Variants in GDPD3 observed in about 807,000 individuals in gnomAD.
GDPD3 encodes lysophospholipase D GDPD3.
In GDPD3, 40 loss-of-function variants were observed where a neutral mutation model predicts 43.7. The ratio of observed to expected loss-of-function variants is 0.91; its 90% CI spans 0.71 to 1.19. The LOEUF is 1.19. GDPD3 is among the 50% of genes most tolerant of loss of function. The pLI, the probability that GDPD3 is intolerant of heterozygous loss-of-function variation, is 0.00. For synonymous variants in GDPD3, 145 were observed against 162.9 expected (o/e 0.89, Z 0.84); for missense variants, 363 against 415.8 (o/e 0.87, Z 1.11).
Position 30,112,231 on chromosome 16 carries a change from G to T in GDPD3, c.484-10C>A. ...TCACCAAGCCTGCTATCTGGGAGGAGGAGAAGGAGGTGAAGGGAGAGCCAG... is the reference window on the plus strand; with the variant it reads ...TCACCAAGCCTGCTATCTGGGAGGATGAGAAGGAGGTGAAGGGAGAGCCAG... On this transcript the variant is annotated splice_polypyrimidine_tract_variant and intron_variant, in intron 5 of 9. Transcript: ENST00000406256. The surrounding 1 kb of genome is among the most constrained non-coding windows in gnomAD (Gnocchi z 5.4). The T allele has an allele frequency of 6.2e-7, 1 of 1,614,058 alleles. No homozygotes were observed. The highest frequency in any genetic ancestry group is 8.5e-7 in the Non-Finnish European group (1 of 1,179,876).
At position 30,112,300 on chromosome 16, in the gene GDPD3, C is replaced by T; in HGVS notation, c.483+6G>A. 3 of 1,613,988 alleles carry T rather than the reference C, an allele frequency of 1.9e-6. No individual in the cohort carries two copies. The highest frequency in any genetic ancestry group is 2.5e-6 in the Non-Finnish European group (3 of 1,179,820). Reference sequence around the variant, plus strand: ...GTGGCCGCCCTAGCCCTGCCTGCAGCACCACCTCACGGATGAGCTCTTCGT... The same window carrying T: ...GTGGCCGCCCTAGCCCTGCCTGCAGTACCACCTCACGGATGAGCTCTTCGT... On this transcript the variant is annotated splice_donor_region_variant and intron_variant, in intron 5 of 9. Coordinates refer to ENST00000406256, the MANE Select transcript of GDPD3 (RefSeq NM_024307.3). The surrounding 1 kb of genome is among the most constrained non-coding windows in gnomAD (Gnocchi z 5.4).
chr16:30,112,274 G>C lies in GDPD3; in HGVS notation c.483+32C>G. ...AGAGCCAGGCCTCTCTCACGCCCCC[G>C]GTGGCCGCCCTAGCCCTGCCTGCAG... On this transcript the variant is annotated intron_variant, in intron 5 of 9. Coordinates refer to ENST00000406256, the MANE Select transcript of GDPD3 (RefSeq NM_024307.3). The surrounding 1 kb of genome is among the most constrained non-coding windows in gnomAD (Gnocchi z 5.4). 1.2e-6 allele frequency: 2 copies of C among 1,613,192 alleles called. No homozygotes were observed. The highest frequency in any genetic ancestry group is 8.5e-7 in the Non-Finnish European group (1 of 1,179,130).
At position 30,112,993 on chromosome 16, in the gene GDPD3, G is replaced by A. The variant is rs1247375691; in HGVS notation, c.182+29C>T. ...TCCACGACCTGCACACCCTCACATG[G>A]CAGCCTGGGCAGGGGCAGATACACT... On this transcript the variant is annotated intron_variant, in intron 2 of 9. Transcript: ENST00000406256. This position sits in a 1 kb window ranked among gnomAD's most constrained non-coding sequence, Gnocchi z 5.4. The A allele has an allele frequency of 1.9e-6, 3 of 1,605,974 alleles. No homozygotes were observed. The highest frequency in any genetic ancestry group is 2.6e-6 in the Non-Finnish European group (3 of 1,173,458).
chr16:30,110,061 T>G (rs1226250358), intron 7 of GDPD3, among the ~76,000 whole-genome samples: 1 of 152,052 alleles, frequency 6.6e-6, no homozygotes, highest in Non-Finnish European at 1.5e-5. Context: ...TTCTCTAGGG[T>G]ACCATGGGAG....
intron 6 of GDPD3, chr16:30,111,810 G>A: frequency 1.9e-6 from 1 of 528,762 alleles, no homozygotes; most frequent in Non-Finnish European, 3.4e-6. Flanking sequence ...GCGTGCACCT[G>A]TAATCCCAGC....
intron 7 of GDPD3, among the ~76,000 whole-genome samples, chr16:30,108,837 T>A (rs965470068): frequency 6.8e-6 from 1 of 146,470 alleles, no homozygotes; most frequent in African/African-American, 2.5e-5. Flanking sequence ...TTTAAATTAA[T>A]TTTTTTTTTT....
At chr16:30,111,924 CTG>C (rs1370552394) in intron 6 of GDPD3, 5 of 594,194 alleles carry the variant, frequency 8.4e-6, no homozygotes, top group Admixed American at 3.0e-5. Context: ...CAGAGAGAGA[CTG>C]TGTTTCAAAA....
Position 30,112,223 on chromosome 16 carries a change from T to G in GDPD3, c.484-2A>C, listed in dbSNP as rs765921977. On this transcript the variant is annotated splice_acceptor_variant, in intron 5 of 9. Coordinates refer to ENST00000406256, the MANE Select transcript of GDPD3 (RefSeq NM_024307.3). LOFTEE classifies it high-confidence loss of function. The surrounding 1 kb of genome is among the most constrained non-coding windows in gnomAD (Gnocchi z 5.4). ...ATAGCGTCTCACCAAGCCTGCTATCTGGGAGGAGGAGAAGGAGGTGAAGGG... is the reference window on the plus strand; with the variant it reads ...ATAGCGTCTCACCAAGCCTGCTATCGGGGAGGAGGAGAAGGAGGTGAAGGG... 2 of 1,613,690 alleles carry G rather than the reference T, an allele frequency of 1.2e-6. No individual in the cohort carries two copies. The highest frequency in any genetic ancestry group is 1.7e-6 in the Non-Finnish European group (2 of 1,179,974).
At chr16:30,108,873 C>G (rs1304748948) in intron 7 of GDPD3, among the ~76,000 whole-genome samples, 1 of 151,832 alleles carries the variant, frequency 6.6e-6, no homozygotes, top group Admixed American at 6.6e-5. Context: ...GCTCTGTCGC[C>G]CAGGCTGGAG....
chr16:30,108,814 A>G (rs2072878523), intron 7 of GDPD3, among the ~76,000 whole-genome samples: 1 of 151,612 alleles, frequency 6.6e-6, no homozygotes, highest in African/African-American at 2.4e-5. Flanking sequence ...TTATCTATTT[A>G]TCTTATTATT....
chr16:30,108,818 T>C (rs547218318), intron 7 of GDPD3, among the ~76,000 whole-genome samples: 1 of 152,058 alleles, frequency 6.6e-6, no homozygotes, highest in South Asian at 2.1e-4. Flanking sequence ...CTATTTATCT[T>C]ATTATTAATT....
chr16:30,112,500 G>T lies in GDPD3; in HGVS notation c.364+23C>A. On this transcript the variant is annotated intron_variant, in intron 4 of 9. Transcript: ENST00000406256. The surrounding 1 kb of genome is among the most constrained non-coding windows in gnomAD (Gnocchi z 5.4). The stretch of plus-strand genomic sequence containing the variant: ...AAGGAAGGCAGGCATGGCCCAGGCA[G>T]GGCTCGAAGCCCTTGCTCTCACCTG... 1 of 1,614,116 alleles carries T rather than the reference G, an allele frequency of 6.2e-7. No homozygotes were observed. The highest frequency in any genetic ancestry group is 8.5e-7 in the Non-Finnish European group (1 of 1,179,976).
intron 6 of GDPD3, chr16:30,111,726 A>T: frequency 1.7e-6 from 1 of 583,952 alleles, no homozygotes; most frequent in South Asian, 2.0e-5. Context: ...TGAGATCAGG[A>T]GTTCAAGACC....
At chr16:30,108,518 G>C (rs903050101) in intron 7 of GDPD3, 86 bp from the exon 8 acceptor site, 245 of 1,207,542 alleles carry the variant, frequency 2.0e-4, no homozygotes, top group Non-Finnish European at 2.9e-4. Flanking sequence ...CCGCCAACTA[G>C]GGTAGCGCTG....
chr16:30,106,245 A>G (rs2072860145), intron 9 of GDPD3, among the ~76,000 whole-genome samples: 1 of 152,232 alleles, frequency 6.6e-6, no homozygotes, highest in Non-Finnish European at 1.5e-5. Flanking sequence ...AGGCTGCAAG[A>G]TGGAAATACT....
intron 9 of GDPD3, 70 bp from the exon 10 acceptor site, chr16:30,105,079 T>C: frequency 7.7e-7 from 1 of 1,292,342 alleles, no homozygotes; most frequent in Non-Finnish European, 1.1e-6. Context: ...ACCCACCTCC[T>C]CCTCTATGGA....
intron 7 of GDPD3, among the ~76,000 whole-genome samples, chr16:30,109,572 C>T (rs544226301): frequency 9.2e-5 from 14 of 151,918 alleles, no homozygotes; most frequent in Non-Finnish European, 1.6e-4. Flanking sequence ...TTTGGGAGGC[C>T]GAGGCGGGTG....
At chr16:30,108,127 G>T in intron 9 of GDPD3, 86 bp downstream of exon 9, 2 of 1,224,022 alleles carry the variant, frequency 1.6e-6, no homozygotes, top group Non-Finnish European at 2.3e-6. Flanking sequence ...TCACCTGCCC[G>T]AGTGATGCAG....
chr16:30,112,083 A>C lies in GDPD3; in HGVS notation c.573+49T>G. The C allele has an allele frequency of 1.9e-4, 261 of 1,356,028 alleles. No homozygotes were observed. Among genetic ancestry groups the C allele is most frequent in the Middle Eastern group, 3.8e-4 (2 of 5,206 alleles). 84.0% of individuals were successfully genotyped at this position (1,356,028 alleles called of 1,614,324 possible). A position where few individuals can be genotyped will look rare whatever the true frequency, so the allele number is the denominator to read the frequency against. ...TGGGTGGGCTCCAGCTCTGGGGAGG[A>C]GGGGCCCCTGGAGGAGGAAGAGGAC... On this transcript the variant is annotated intron_variant, in intron 6 of 9. Transcript: ENST00000406256. This position sits in a 1 kb window ranked among gnomAD's most constrained non-coding sequence, Gnocchi z 5.4.
Sources: allele counts gnomAD v4.1 joint callset (sites outside exome capture counted in the v4.1 genomes callset), GRCh38; gene constraint gnomAD v4.1.1; non-coding constraint Gnocchi (gnomAD v3.1); transcripts MANE v1.5; gene names NCBI Gene and HGNC (gene_info 2026-07-23, HGNC 2026-07-21).